GAREM2: variants seen among roughly 807,000 people sequenced by gnomAD.
The protein encoded by GAREM2 is GRB2-associated and regulator of MAPK protein 2.
A neutral mutation model predicts 55.6 loss-of-function variants in GAREM2; 30 were observed. The ratio of observed to expected loss-of-function variants is 0.54; its 90% CI spans 0.40 to 0.73. The LOEUF (loss-of-function observed/expected upper bound fraction) is 0.73, where lower values mean the gene tolerates loss of function less well. Ranked by LOEUF, GAREM2 falls within the 30% of genes least tolerant of loss-of-function variation. GAREM2 has a pLI of 0.00. For synonymous variants in GAREM2, 550 were observed against 569.1 expected (o/e 0.97, Z 0.48); for missense variants, 1,075 against 1,257.7 (o/e 0.85, Z 2.20).
the GAREM2 span, among the ~76,000 whole-genome samples, chr2:26,197,210 C>T: frequency 2.6e-5 from 4 of 152,190 alleles, no homozygotes; most frequent in African/African-American, 9.7e-5. Context: ...TTCTGGGCAT[C>T]ATTCCAAATA....
chr2:26,197,582 C>A, the GAREM2 span: 2 of 745,556 alleles, frequency 2.7e-6, no homozygotes, highest in African/African-American at 1.7e-5. Flanking sequence ...TAGGAACCAC[C>A]CGCATCCACT....
Position 26,185,151 on chromosome 2 carries a change from C to G in GAREM2, c.1303C>G (p.His435Asp). Residue 435 changes from histidine (H) to aspartate (D), a missense_variant, in exon 4 of 6, where the codon CAC (histidine) becomes GAC (aspartate). His to Asp is a moderately conservative substitution (Grantham distance 81). Around this residue, in one of 6 missense-constraint regions of GAREM2, gnomAD observed 515 missense variants for 501.5 expected, o/e 1.03. Coordinates refer to ENST00000401533, the MANE Select transcript of GAREM2 (RefSeq NM_001168241.2). ...AEIPYEELWA[H>D]QGPEGLVRPP... ...GATCCCCTACGAGGAGTTGTGGGCG[C>G]ACCAGGGGCCCGAGGGCCTCGTCCG... is the stretch of plus-strand genomic sequence containing the variant. 6.7e-7 allele frequency: 1 copy of G among 1,502,526 alleles called. No individual in the cohort carries two copies. Among genetic ancestry groups the G allele is most frequent in the Non-Finnish European group, 8.8e-7 (1 of 1,133,272 alleles). The allele number at this position is 1,502,526 out of a possible 1,614,324, so 93.1% of individuals were successfully genotyped here. A position where few individuals can be genotyped will look rare whatever the true frequency, so the allele number is the denominator to read the frequency against.
downstream of GAREM2, among the ~76,000 whole-genome samples, chr2:26,193,384 C>T (rs981596753): frequency 4.0e-4 from 60 of 150,934 alleles, no homozygotes; most frequent in East Asian, 2.0e-4. Flanking sequence ...CCACCTCAGC[C>T]TCCTAAGCAG....
downstream of GAREM2, among the ~76,000 whole-genome samples, chr2:26,194,058 A>G (rs1450326599): frequency 2.0e-5 from 3 of 152,208 alleles, no homozygotes; most frequent in African/African-American, 7.2e-5. Context: ...TAATAAGGAG[A>G]TTGCATGACA....
chr2:26,187,855 G>A lies in GAREM2; in HGVS notation c.2223G>A (p.Lys741=), dbSNP rs1669338936. 1.4e-6 allele frequency: 2 copies of A among 1,440,194 alleles called. No individual in the cohort carries two copies. The highest frequency in any genetic ancestry group is 1.8e-6 in the Non-Finnish European group (2 of 1,091,614). The allele number at this position is 1,440,194 out of a possible 1,614,324, so 89.2% of individuals were successfully genotyped here. ...GCCTTTCACCACTTGGCCCCTCCAAGGCCTTTGAGCCTGAAGGTTTGGTGC... is the reference window on the plus strand; with the variant it reads ...GCCTTTCACCACTTGGCCCCTCCAAAGCCTTTGAGCCTGAAGGTTTGGTGC... ...GPRLSPLGPS[K]AFEPEGLVLH... is the part of the protein sequence containing the mutation. Residue 741 remains lysine (K), a synonymous_variant, in exon 6 of 6, where the codon AAG becomes AAA. Coordinates refer to ENST00000401533, the MANE Select transcript of GAREM2 (RefSeq NM_001168241.2).
rs1383208633 is a variant in GAREM2, at chr2:26,184,458, G to A, written c.610G>A (p.Gly204Arg). ...SAGAAGGTGGGGARPVKGKMP... is the reference protein window; with the variant it reads ...SAGAAGGTGGRGARPVKGKMP... ...GGGGGCCGCGGGAGGCACTGGCGGC[G>A]GGGGCGCCAGGCCGGTCAAAGGCAA... Residue 204 changes from glycine (G) to arginine (R), a missense_variant, in exon 4 of 6, where the codon GGG becomes AGG. Around this residue, in one of 6 missense-constraint regions of GAREM2, gnomAD observed 230 missense variants for 310.6 expected, o/e 0.74. Transcript: ENST00000401533. 9 of 1,491,736 alleles carry A rather than the reference G, an allele frequency of 6.0e-6. No individual in the cohort carries two copies. The East Asian group carries it at 2.7e-4, about 44-fold the overall frequency. 92.4% of individuals were successfully genotyped at this position (1,491,736 alleles called of 1,614,324 possible).
the GAREM2 span, among the ~76,000 whole-genome samples, chr2:26,198,380 G>GT: frequency 1.9e-3 from 223 of 117,228 alleles, 1 homozygote; most frequent in Middle Eastern, 4.1e-3. Context: ...TTTTTTTTTT[G>GT]TTTTTTTTTT....
In GAREM2 at chr2:26,187,518, C is replaced by G. The variant is rs1263164369; in HGVS notation, c.1886C>G (p.Ala629Gly). 1 of 1,538,228 alleles carries G rather than the reference C, an allele frequency of 6.5e-7. No homozygotes were observed. The highest frequency in any genetic ancestry group is 1.4e-5 in the African/African-American group (1 of 72,386). The change falls in exon 6 of 6, where the codon GCT becomes GGT. Residue 629 changes from alanine to glycine, a missense_variant. By Grantham distance (60) the Ala-to-Gly change is moderately conservative (BLOSUM62 0). Around this residue, in one of 6 missense-constraint regions of GAREM2, gnomAD observed 515 missense variants for 501.5 expected, o/e 1.03. Coordinates refer to ENST00000401533, the MANE Select transcript of GAREM2 (RefSeq NM_001168241.2). ...HPQKRFAPFGALNPFSGPAYP... is the reference protein window; with the variant it reads ...HPQKRFAPFGGLNPFSGPAYP... Reference sequence around the variant, plus strand: ...CAGAAGCGCTTTGCTCCGTTTGGAGCTCTCAACCCTTTTTCCGGGCCTGCC... The same window carrying G: ...CAGAAGCGCTTTGCTCCGTTTGGAGGTCTCAACCCTTTTTCCGGGCCTGCC...
the GAREM2 span, chr2:26,201,409 C>T: frequency 2.3e-6 from 2 of 874,168 alleles, no homozygotes; most frequent in Admixed American, 1.9e-5. Context: ...CTGTGTTTTT[C>T]ACCAACTCTG....
chr2:26,195,154 C>T, the GAREM2 span: 3 of 1,612,874 alleles, frequency 1.9e-6, no homozygotes, highest in Non-Finnish European at 2.5e-6. Context: ...GCACTGGTGT[C>T]TTTGGAAGTT....
rs116718869 is a variant in GAREM2 at position 26,188,074 on chromosome 2, C to G, written c.2442C>G (p.Val814=). ...ADLSALSLEE[V]SRSLRFIGLS... is the part of the protein sequence containing the mutation. Reference sequence around the variant, plus strand: ...TGTCTGCACTCTCCCTGGAGGAGGTCTCTCGCAGTCTGCGTTTCATCGGGC... The same window carrying G: ...TGTCTGCACTCTCCCTGGAGGAGGTGTCTCGCAGTCTGCGTTTCATCGGGC... Residue 814 remains valine (V), a synonymous_variant, in exon 6 of 6, where the codon GTC becomes GTG. Coordinates refer to ENST00000401533, the MANE Select transcript of GAREM2 (RefSeq NM_001168241.2). 1.9e-6 allele frequency: 3 copies of G among 1,547,816 alleles called. No individual in the cohort carries two copies. The South Asian group carries it at 3.6e-5, about 19-fold the overall frequency.
downstream of GAREM2, chr2:26,191,473 C>A: frequency 6.2e-7 from 1 of 1,614,158 alleles, no homozygotes; most frequent in East Asian, 2.2e-5. Context: ...TCCCAACCTG[C>A]GAGACCAACC....
downstream of GAREM2, among the ~76,000 whole-genome samples, chr2:26,190,262 G>A (rs941096720): frequency 2.0e-5 from 3 of 152,230 alleles, no homozygotes; most frequent in African/African-American, 7.2e-5. Context: ...TGCAGAATGT[G>A]ATGGGACTGG....
At chr2:26,191,445 G>T, downstream of GAREM2, 1 of 1,614,176 alleles carries the variant, frequency 6.2e-7, no homozygotes, top group African/African-American at 1.3e-5. Flanking sequence ...ACGGGCTCCA[G>T]GCTAAAGTGA....
At chr2:26,202,897 G>C in the GAREM2 span, among the ~76,000 whole-genome samples, 2 of 152,206 alleles carry the variant, frequency 1.3e-5, no homozygotes, top group African/African-American at 4.8e-5. Context: ...TCCCAAGAGA[G>C]GACAGGAACT....
chr2:26,176,336 C>T lies in GAREM2; in HGVS notation c.113-8C>T, dbSNP rs747343441. On this transcript the variant is annotated splice_region_variant and splice_polypyrimidine_tract_variant and intron_variant, in intron 1 of 5. Coordinates refer to ENST00000401533, the MANE Select transcript of GAREM2 (RefSeq NM_001168241.2). ...CCCCTCATCCTCTGTCCTCCTCCCC[C>T]TTCCCAGGGGAGTACGCCGAGGGCG... The T allele has an allele frequency of 2.2e-5, 34 of 1,525,560 alleles. No homozygotes were observed. In the South Asian group the frequency reaches 4.1e-4, roughly 18 times the overall value. The allele number at this position is 1,525,560 out of a possible 1,614,324, so 94.5% of individuals were successfully genotyped here. A position where few individuals can be genotyped will look rare whatever the true frequency, so the allele number is the denominator to read the frequency against.
At chr2:26,176,582 G>A (rs908245781) in intron 2 of GAREM2, 98 bp downstream of exon 2, 96 of 1,150,850 alleles carry the variant, frequency 8.3e-5, no homozygotes, top group Admixed American at 1.4e-4. Context: ...CTAGCGAGGC[G>A]GTGATTAGGG....
intron 2 of GAREM2, among the ~76,000 whole-genome samples, chr2:26,180,251 GTCTTCATCTGGGTC>G (rs1669002023): frequency 1.3e-5 from 2 of 152,216 alleles, no homozygotes; most frequent in Non-Finnish European, 1.5e-5. Context: ...CACCATGGGT[GTCTTCATCTGGGTC>G]TCTCGCTGGG....
chr2:26,182,912 G>T, intron 2 of GAREM2, 55 bp from the exon 3 acceptor site: 8 of 1,544,912 alleles, frequency 5.2e-6, no homozygotes, highest in Non-Finnish European at 7.0e-6. Context: ...TGGGACGCAG[G>T]CTAGACTCCC....
Sources: allele counts gnomAD v4.1 joint callset (sites outside exome capture counted in the v4.1 genomes callset), GRCh38; gene constraint gnomAD v4.1.1; regional missense constraint gnomAD v4.1.1; transcripts MANE v1.5; gene names NCBI Gene and HGNC (gene_info 2026-07-23, HGNC 2026-07-21).